The following ARID1B variants were observed in gnomAD, a reference collection of about 807,000 sequenced individuals.
ARID1B encodes AT-rich interactive domain-containing protein 1B.
Under a neutral mutation model 212.3 loss-of-function variants are expected in ARID1B, and 30 were observed. That is an observed-to-expected ratio of 0.14 (90% confidence interval 0.11 to 0.19). ARID1B has a LOEUF of 0.19. Among genes scored for constraint, ARID1B ranks in the 10% least tolerant of loss-of-function variants. The probability of loss-of-function intolerance (pLI) is 1.00; values close to 1 mark genes in which losing one functional copy is unlikely to be tolerated. For synonymous variants in ARID1B, 1,402 were observed against 1,301.7 expected, an observed-to-expected ratio of 1.08 and a Z score of -1.66; for missense variants, 2,891 against 3,204.0, an observed-to-expected ratio of 0.90 and a Z score of 2.36.
At chr6:156,952,415 G>A (rs1211346226) in intron 4 of ARID1B, among the ~76,000 whole-genome samples, 1 of 152,250 alleles carries the variant, frequency 6.6e-6, no homozygotes, top group Non-Finnish European at 1.5e-5. Flanking sequence ...CTCCTAAGGA[G>A]TAACATGGAA....
rs996180434 is a variant in ARID1B, at chr6:157,186,480, C to G, written c.3919+2045C>G. ...CACACAGGCGTCTGGGGGTCGCAGG[C>G]AGAGGCACCCTGGTCTTCAGAAGCC... On this transcript the variant is annotated intron_variant, in intron 13 of 19. Coordinates refer to ENST00000636930, the MANE Select transcript of ARID1B (RefSeq NM_001374828.1). 8.5e-5 allele frequency: 40 copies of G among 471,062 alleles called. No individual in the cohort carries two copies. In the Admixed American group the frequency reaches 9.4e-4, roughly 11 times the overall value. The allele number at this position is 471,062 out of a possible 1,614,324, so 29.2% of individuals were successfully genotyped here.
chr6:157,042,102 T>G (rs73581963), intron 4 of ARID1B, among the ~76,000 whole-genome samples: 2,435 of 152,292 alleles, frequency 0.016, 71 homozygotes, highest in African/African-American at 0.056. Context: ...CTCTGCTACA[T>G]AAGCCGCTAA....
At chr6:156,874,329 A>G (rs1583195783) in intron 2 of ARID1B, among the ~76,000 whole-genome samples, 1 of 152,114 alleles carries the variant, frequency 6.6e-6, no homozygotes, top group African/African-American at 2.4e-5. Context: ...CAGCCTCTCA[A>G]AGTGCTGGGA....
intron 8 of ARID1B, chr6:157,151,891 T>C (rs1583411187): frequency 6.6e-6 from 1 of 152,246 alleles, no homozygotes; most frequent in African/African-American, 2.4e-5. Context: ...TTTACATTTA[T>C]TTAGACAGAA....
chr6:156,777,882 C>G lies in ARID1B; in HGVS notation c.202C>G (p.Leu68Val). Residue 68 changes from leucine to valine, a missense_variant, in exon 1 of 20, where the codon CTG becomes GTG. Physicochemically the swap from Leu to Val is conservative, Grantham distance 32 (BLOSUM62 1). Coordinates refer to ENST00000636930, the MANE Select transcript of ARID1B (RefSeq NM_001374828.1). Reference sequence around the variant, plus strand: ...GGGCGGCGGCGACGGCGGCGGCGGCCTGAACAGTGTGCACCACCACCCCCT... The same window carrying G: ...GGGCGGCGGCGACGGCGGCGGCGGCGTGAACAGTGTGCACCACCACCCCCT... ...LGGGGDGGGG[L>V]NSVHHHPLLP... is the part of the protein sequence containing the mutation. The G allele has an allele frequency of 6.9e-7, 1 of 1,446,934 alleles. No individual in the cohort carries two copies. The highest frequency in any genetic ancestry group is 9.0e-7 in the Non-Finnish European group (1 of 1,110,374). 89.6% of individuals were successfully genotyped at this position (1,446,934 alleles called of 1,614,324 possible). A position where few individuals can be genotyped will look rare whatever the true frequency, so the allele number is the denominator to read the frequency against.
At chr6:156,927,459 G>A (rs9885972) in intron 3 of ARID1B, among the ~76,000 whole-genome samples, 13,392 of 152,146 alleles carry the variant, frequency 0.088, 916 homozygotes, top group African/African-American at 0.18. Context: ...TTTGGGAGGT[G>A]GGATATTTTA....
At chr6:157,084,599 C>T (rs1032678452) in intron 4 of ARID1B, 63 bp from the exon 5 acceptor site, 53 of 1,551,064 alleles carry the variant, frequency 3.4e-5, no homozygotes, top group African/African-American at 1.2e-4. Flanking sequence ...ATTTTCAAGT[C>T]GTCTTTTGAT....
chr6:157,121,096 G>A (rs1216829341), intron 6 of ARID1B, among the ~76,000 whole-genome samples: 1 of 152,170 alleles, frequency 6.6e-6, no homozygotes, highest in Admixed American at 6.5e-5. Flanking sequence ...CACGATTGGA[G>A]GCTAAACAAG....
At chr6:157,010,882 A>G (rs1164160192) in intron 4 of ARID1B, among the ~76,000 whole-genome samples, 1 of 152,186 alleles carries the variant, frequency 6.6e-6, no homozygotes, top group Non-Finnish European at 1.5e-5. Context: ...ATAGATTGTG[A>G]TCACTAATAG....
intron 1 of ARID1B, among the ~76,000 whole-genome samples, chr6:156,789,047 C>G (rs980324296): frequency 3.3e-5 from 5 of 152,208 alleles, no homozygotes; most frequent in Admixed American, 1.3e-4. Flanking sequence ...AGTGCACCAT[C>G]TAAGAAGTAT....
intron 3 of ARID1B, among the ~76,000 whole-genome samples, chr6:156,927,086 A>G (rs1490193663): frequency 6.6e-6 from 1 of 152,226 alleles, no homozygotes; most frequent in Non-Finnish European, 1.5e-5. Flanking sequence ...AATATAATTT[A>G]TTCCTATCAA....
At chr6:157,103,753 T>C (rs929771470) in intron 5 of ARID1B, among the ~76,000 whole-genome samples, 5 of 151,454 alleles carry the variant, frequency 3.3e-5, no homozygotes, top group Admixed American at 1.3e-4. Context: ...GCAAACAGAA[T>C]CCAACAGTAC....
chr6:157,114,700 C>T (rs1158872923), intron 6 of ARID1B, among the ~76,000 whole-genome samples: 1 of 151,948 alleles, frequency 6.6e-6, no homozygotes, highest in Non-Finnish European at 1.5e-5. Flanking sequence ...AATAGTCCAC[C>T]ATATACGTAC....
chr6:157,053,508 T>G (rs927560462), intron 4 of ARID1B, among the ~76,000 whole-genome samples: 1 of 152,254 alleles, frequency 6.6e-6, no homozygotes, highest in Non-Finnish European at 1.5e-5. Context: ...TATTAACTTT[T>G]CTACATCTTT....
chr6:157,101,709 A>G (rs1478379481), intron 5 of ARID1B, among the ~76,000 whole-genome samples: 1 of 152,140 alleles, frequency 6.6e-6, no homozygotes, highest in East Asian at 1.9e-4. Flanking sequence ...TGTAAGACAA[A>G]TAAATGTATA....
intron 1 of ARID1B, among the ~76,000 whole-genome samples, chr6:156,783,764 G>C (rs1779442308): frequency 6.6e-6 from 1 of 152,164 alleles, no homozygotes; most frequent in South Asian, 2.1e-4. Context: ...CTAGGACTCT[G>C]TATTCGCTTT....
At chr6:157,140,118 A>T (rs1202476705) in intron 7 of ARID1B, among the ~76,000 whole-genome samples, 2 of 152,198 alleles carry the variant, frequency 1.3e-5, no homozygotes, top group Non-Finnish European at 1.5e-5. Flanking sequence ...AAAACTAGGG[A>T]TATAGTGCAA....
At chr6:157,060,621 A>C (rs1358543901) in intron 4 of ARID1B, among the ~76,000 whole-genome samples, 1 of 145,272 alleles carries the variant, frequency 6.9e-6, no homozygotes, top group Non-Finnish European at 1.5e-5. Context: ...ATGTGAAGCA[A>C]AATCTGAACT....
At chr6:156,781,063 G>T (rs375068461) in intron 1 of ARID1B, among the ~76,000 whole-genome samples, 174 of 152,196 alleles carry the variant, frequency 1.1e-3, no homozygotes, top group African/African-American at 4.0e-3. Flanking sequence ...CAAGATTTAA[G>T]CTTCATTTTT....
Sources: gnomAD v4.1 joint callset for allele counts (sites outside exome capture counted in the v4.1 genomes callset) on GRCh38, gnomAD v4.1.1 for gene constraint, MANE v1.5 for transcripts, NCBI Gene and HGNC (gene_info 2026-07-23, HGNC 2026-07-21) for gene names.